Variants in TBC1D17 observed in about 807,000 individuals in gnomAD.
The protein encoded by TBC1D17 is TBC1 domain family, member 17.
TBC1D17 carries 69 observed loss-of-function variants against 78.8 expected under a neutral mutation model. The ratio of observed to expected loss-of-function variants is 0.88; its 90% CI spans 0.72 to 1.07. TBC1D17 has a LOEUF of 1.07. Among genes scored for constraint, TBC1D17 ranks in the 50% least tolerant of loss-of-function variants. The pLI, the probability that TBC1D17 is intolerant of heterozygous loss-of-function variation, is 0.00. For synonymous variants in TBC1D17, 456 were observed against 358.3 expected (o/e 1.27, Z -3.08); for missense variants, 957 against 861.0 (o/e 1.11, Z -1.39).
chr19:49,883,141 GC>G (rs2075030835), intron 9 of TBC1D17, 65 bp downstream of exon 9: 1 of 1,459,116 alleles, frequency 6.9e-7, no homozygotes, highest in East Asian at 2.3e-5. Flanking sequence ...GCACCAATGG[GC>G]AAGTTCTGTG....
At chr19:49,880,998 G>A (rs1031543393) in intron 4 of TBC1D17, among the ~76,000 whole-genome samples, 7 of 152,170 alleles carry the variant, frequency 4.6e-5, no homozygotes, top group African/African-American at 9.7e-5. Context: ...GGACAGACCC[G>A]AGGGGCCTCG....
chr19:49,883,093 C>A lies in TBC1D17; in HGVS notation c.1031+17C>A. On this transcript the variant is annotated intron_variant, in intron 9 of 16. Coordinates refer to ENST00000221543, the MANE Select transcript of TBC1D17 (RefSeq NM_024682.3). ...CAAGAAAACGTGAGTTCTCAGGAGG[C>A]CCTGCCCTGCCAGGCATGACACCTG... The A allele has an allele frequency of 6.3e-7, 1 of 1,587,546 alleles. No homozygotes were observed. Among genetic ancestry groups the A allele is most frequent in the Non-Finnish European group, 8.6e-7 (1 of 1,164,490 alleles).
chr19:49,887,357 C>T, intron 13 of TBC1D17, 119 bp from the exon 14 acceptor site: 1 of 1,033,900 alleles, frequency 9.7e-7, no homozygotes, highest in Non-Finnish European at 1.5e-6. Context: ...CTCCGAGGTT[C>T]CCCAGCCAGG....
At position 49,888,548 on chromosome 19, in the gene TBC1D17, C is replaced by T. The variant is rs1178498962; in HGVS notation, c.1871C>T (p.Ser624Phe). 2.6e-6 allele frequency: 4 copies of T among 1,535,754 alleles called. No homozygotes were observed. Among genetic ancestry groups the T allele is most frequent in the Non-Finnish European group, 3.5e-6 (4 of 1,145,522 alleles). ...PTRAPPTPPPSTDTAPQPDSS... is the reference protein window; with the variant it reads ...PTRAPPTPPPFTDTAPQPDSS... The stretch of plus-strand genomic sequence containing the variant: ...CGGGCCCCGCCCACCCCGCCGCCCT[C>T]CACGGACACAGCCCCGCAGCCCGAC... The change falls in exon 17 of 17, where the codon TCC (serine) becomes TTC (phenylalanine). Residue 624 changes from serine (S) to phenylalanine (F), a missense_variant. Ser to Phe is a radical substitution (Grantham distance 155). Transcript: ENST00000221543.
In TBC1D17 at chr19:49,882,903, G is replaced by C. The variant is rs2075028316; in HGVS notation, c.927+11G>C. The C allele has an allele frequency of 6.2e-7, 1 of 1,601,290 alleles. No individual in the cohort carries two copies. The highest frequency in any genetic ancestry group is 8.5e-7 in the Non-Finnish European group (1 of 1,174,070). On this transcript the variant is annotated intron_variant, in intron 8 of 16. Coordinates refer to ENST00000221543, the MANE Select transcript of TBC1D17 (RefSeq NM_024682.3). Reference sequence around the variant, plus strand: ...CGGATCTTCTCGGGGGTGAGTGCCAGGACAGGTGGAAGAATGGGGCAGGGC... The same window carrying C: ...CGGATCTTCTCGGGGGTGAGTGCCACGACAGGTGGAAGAATGGGGCAGGGC...
At position 49,880,388 on chromosome 19, in the gene TBC1D17, C is replaced by T. The variant is rs371768869; in HGVS notation, c.305C>T (p.Ser102Leu). 6.4e-5 allele frequency: 103 copies of T among 1,613,708 alleles called. No individual in the cohort carries two copies. The highest frequency in any genetic ancestry group is 4.9e-4 in the Middle Eastern group (3 of 6,082). Residue 102 changes from serine (S) to leucine (L), a missense_variant, in exon 4 of 17, where the codon TCA (serine) becomes TTA (leucine). Physicochemically the swap from Ser to Leu is moderately radical, Grantham distance 145. Coordinates refer to ENST00000221543, the MANE Select transcript of TBC1D17 (RefSeq NM_024682.3). ...ACTGTGCGGCCACAGCTCTGCCACT[C>T]AGAGCCCACGAGAGGTAGGCTGAGG... ...ISTVRPQLCH[S>L]EPTRGAEPSC...
intron 3 of TBC1D17, among the ~76,000 whole-genome samples, chr19:49,879,849 CTTTTTTTT>C (rs35413614): frequency 0.038 from 4,509 of 119,476 alleles, 204 homozygotes; most frequent in East Asian, 0.14. Flanking sequence ...TTTCTTTTTT[CTTTTTTTT>C]TTTTTTTTTT....
chr19:49,880,517 C>T lies in TBC1D17; in HGVS notation c.319+115C>T, dbSNP rs1033131368. 1.0e-5 allele frequency: 14 copies of T among 1,350,760 alleles called. No individual in the cohort carries two copies. In the Admixed American group the frequency reaches 3.1e-4, roughly 30 times the overall value. 83.7% of individuals were successfully genotyped at this position (1,350,760 alleles called of 1,614,324 possible). ...GCCCACAATCAAGAAGGCCACCAGTCACCACCTTCCAGTCCCAGGAGCATG... is the reference window on the plus strand; with the variant it reads ...GCCCACAATCAAGAAGGCCACCAGTTACCACCTTCCAGTCCCAGGAGCATG... On this transcript the variant is annotated intron_variant, in intron 4 of 16. Coordinates refer to ENST00000221543, the MANE Select transcript of TBC1D17 (RefSeq NM_024682.3).
rs771365166 is a variant in TBC1D17, at chr19:49,888,563, C to A, written c.1886C>A (p.Pro629Gln). ...PTPPPSTDTA[P>Q]QPDSSLEILP... ...CCGCCGCCCTCCACGGACACAGCCC[C>A]GCAGCCCGACAGCAGCCTGGAGATC... Residue 629 changes from proline (P) to glutamine (Q), a missense_variant, in exon 17 of 17, where the codon CCG (proline) becomes CAG (glutamine). Physicochemically the swap from Pro to Gln is moderately conservative, Grantham distance 76 (BLOSUM62 -1). Transcript: ENST00000221543. 2 of 1,536,862 alleles carry A rather than the reference C, an allele frequency of 1.3e-6. No individual in the cohort carries two copies. Among genetic ancestry groups the A allele is most frequent in the Non-Finnish European group, 1.7e-6 (2 of 1,146,358 alleles).
At chr19:49,878,049 C>G (rs1478833630) in intron 1 of TBC1D17, 94 bp from the exon 2 acceptor site, 9 of 1,066,514 alleles carry the variant, frequency 8.4e-6, no homozygotes, top group Non-Finnish European at 1.2e-5. Flanking sequence ...GCCCCGCCCC[C>G]TGAGGGTGGC....
At chr19:49,881,568 A>G in intron 5 of TBC1D17, 93 bp downstream of exon 5, 1 of 1,240,902 alleles carries the variant, frequency 8.1e-7, no homozygotes, top group Non-Finnish European at 1.1e-6. Flanking sequence ...AACACAACTC[A>G]CACTGATTTA....
In TBC1D17 at chr19:49,884,517, G is replaced by C. The variant is rs780271939; in HGVS notation, c.1302G>C (p.Glu434Asp). The change falls in exon 12 of 17, where the codon GAG becomes GAC. Residue 434 changes from glutamate (E) to aspartate (D), a missense_variant. Glu to Asp is a conservative substitution (Grantham distance 45). Transcript: ENST00000221543. ...CGATCCTCTACGTCATTCAGAACGA[G>C]GTGGATGCTTTCTGGTGTTTCTGTG... is the stretch of plus-strand genomic sequence containing the variant. Reference protein sequence around the residue: ...LSPILYVIQNEVDAFWCFCGF... With the variant: ...LSPILYVIQNDVDAFWCFCGF... 6.2e-7 allele frequency: 1 copy of C among 1,614,212 alleles called. No individual in the cohort carries two copies. Among genetic ancestry groups the C allele is most frequent in the Non-Finnish European group, 8.5e-7 (1 of 1,180,034 alleles).
At position 49,882,011 on chromosome 19, in the gene TBC1D17, ATCACCTGTGCG is replaced by A. The variant is rs767923026; in HGVS notation, c.528-23_528-13del. 1.7e-5 allele frequency: 27 copies of A among 1,581,856 alleles called. No individual in the cohort carries two copies. Among genetic ancestry groups the A allele is most frequent in the Admixed American group, 1.0e-4 (6 of 59,928 alleles). ...TGGGACACTGGGCCCCTACCTGTGC[ATCACCTGTGCG>A]TCACCTCCCGCCTCCCAGCTCCCCG... On this transcript the variant is annotated intron_variant, in intron 5 of 16. Coordinates refer to ENST00000221543, the MANE Select transcript of TBC1D17 (RefSeq NM_024682.3).
chr19:49,878,885 A>C, intron 3 of TBC1D17: 2 of 341,372 alleles, frequency 5.9e-6, no homozygotes, highest in Non-Finnish European at 1.1e-5. Context: ...GGGAAATGGC[A>C]TTTCCTCTGG....
intron 13 of TBC1D17, chr19:49,887,172 T>G: frequency 2.5e-6 from 1 of 400,284 alleles, no homozygotes; most frequent in Non-Finnish European, 4.7e-6. Flanking sequence ...TATCTAGGAG[T>G]GTCAGTTCCC....
At chr19:49,881,929 C>G in intron 5 of TBC1D17, 112 bp from the exon 6 acceptor site, 1 of 913,274 alleles carries the variant, frequency 1.1e-6, no homozygotes, top group Non-Finnish European at 1.8e-6. Flanking sequence ...TGAGGGGTTG[C>G]CCAGGGGTGG....
chr19:49,878,033 C>T (rs1449991379), intron 1 of TBC1D17, 110 bp from the exon 2 acceptor site: 5 of 943,198 alleles, frequency 5.3e-6, no homozygotes, highest in East Asian at 2.7e-5. Context: ...GGCAATGGCC[C>T]TCCCGGCCCC....
chr19:49,886,277 T>G (rs770354630), intron 13 of TBC1D17, among the ~76,000 whole-genome samples: 8 of 152,132 alleles, frequency 5.3e-5, no homozygotes, highest in Non-Finnish European at 8.8e-5. Context: ...AAAAGAAAGT[T>G]AAAGTTGCTG....
intron 10 of TBC1D17, 90 bp downstream of exon 10, chr19:49,883,835 C>A: frequency 1.8e-6 from 2 of 1,084,696 alleles, no homozygotes; most frequent in South Asian, 1.3e-5. Flanking sequence ...ATAGAGGGAG[C>A]CCCCTGCCTC....
Sources: gnomAD v4.1 joint callset for allele counts (sites outside exome capture counted in the v4.1 genomes callset) on GRCh38, gnomAD v4.1.1 for gene constraint, MANE v1.5 for transcripts, NCBI Gene and HGNC (gene_info 2026-07-23, HGNC 2026-07-21) for gene names.